The following KCNC4 variants were observed in gnomAD, a reference collection of about 807,000 sequenced individuals.
The protein encoded by KCNC4 is potassium voltage-gated channel subfamily C member 4.
Under a neutral mutation model 42.8 loss-of-function variants are expected in KCNC4, and 23 were observed. The ratio of observed to expected loss-of-function variants is 0.54; its 90% CI spans 0.39 to 0.76. The LOEUF (loss-of-function observed/expected upper bound fraction) is 0.76, where lower values mean the gene tolerates loss of function less well. Among genes scored for constraint, KCNC4 ranks in the 30% least tolerant of loss-of-function variants. The pLI is 0.00. For missense variants in KCNC4, 751 were observed against 898.2 expected, an observed-to-expected ratio of 0.84 and a Z score of 2.10; for synonymous variants, 422 against 393.5, an observed-to-expected ratio of 1.07 and a Z score of -0.86.
chr1:110,253,722 T>C (rs1410071687), downstream of KCNC4, among the ~76,000 whole-genome samples: 1 of 152,212 alleles, frequency 6.6e-6, no homozygotes, highest in Non-Finnish European at 1.5e-5. Flanking sequence ...CTGTTCCTTC[T>C]TCCACAGAGC....
chr1:110,283,774 T>C (rs1053383802), downstream of KCNC4, among the ~76,000 whole-genome samples: 6 of 152,244 alleles, frequency 3.9e-5, no homozygotes, highest in Non-Finnish European at 8.8e-5. Context: ...TTAGCTGTTG[T>C]ACTTTCTTGA....
chr1:110,243,511 T>C (rs1262268763), exon 4 of KCNC4: 1 of 152,394 alleles, frequency 6.6e-6, no homozygotes, highest in Non-Finnish European at 1.5e-5. Context: ...CCAAGTCCTT[T>C]CCACACACAC....
At chr1:110,220,468 G>A (rs370831269) in intron 1 of KCNC4, 1 of 141,936 alleles carries the variant, frequency 7.0e-6, no homozygotes, top group Non-Finnish European at 1.5e-5. Context: ...GGGCCATGCC[G>A]CCCTCCCTCC....
chr1:110,244,654 G>A (rs1359498556), exon 4 of KCNC4: 5 of 152,306 alleles, frequency 3.3e-5, no homozygotes, highest in Non-Finnish European at 5.9e-5. Context: ...GACCAGCAGA[G>A]GCTATGAAGG....
chr1:110,220,235 G>C (rs1207161658), intron 1 of KCNC4: 1 of 152,250 alleles, frequency 6.6e-6, no homozygotes. Flanking sequence ...GGGTGGAGGT[G>C]AGGGGTAGCA....
chr1:110,274,614 A>T (rs921290629), intron 1 of KCNC4, among the ~76,000 whole-genome samples: 2 of 152,244 alleles, frequency 1.3e-5, no homozygotes, highest in Non-Finnish European at 2.9e-5. Flanking sequence ...CTCAAATTAT[A>T]CTACTGGGCT....
intron 1 of KCNC4, among the ~76,000 whole-genome samples, chr1:110,260,623 G>A (rs926193065): frequency 4.6e-5 from 7 of 152,152 alleles, no homozygotes; most frequent in Non-Finnish European, 7.3e-5. Context: ...AAAGCAATGA[G>A]AATCCAATCA....
At chr1:110,278,159 G>GAA (rs72416212) in intron 1 of KCNC4, among the ~76,000 whole-genome samples, 1 of 736 alleles carries the variant, frequency 1.4e-3, no homozygotes, top group Non-Finnish European at 3.0e-3. Flanking sequence ...GAAAGAAAAG[G>GAA]AAGGAAGGAA....
At chr1:110,225,823 T>G in intron 2 of KCNC4, 152 bp from the exon 3 acceptor site, 1 of 695,518 alleles carries the variant, frequency 1.4e-6, no homozygotes, top group East Asian at 2.7e-5. Context: ...TGCCCTCTGC[T>G]CCCCGGCTCT....
chr1:110,235,386 C>T (rs1658881460), downstream of KCNC4: 1 of 152,194 alleles, frequency 6.6e-6, no homozygotes, highest in Non-Finnish European at 1.5e-5. Flanking sequence ...AAAAGCTTGG[C>T]CAGGCGATAA....
At chr1:110,244,388 T>TTAAA (rs1659098203) in exon 4 of KCNC4, 2 of 152,192 alleles carry the variant, frequency 1.3e-5, no homozygotes, top group South Asian at 2.1e-4. Flanking sequence ...ATAATAATAA[T>TTAAA]AAATAACAAA....
chr1:110,211,356 G>C lies in KCNC4; in HGVS notation c.-144G>C. The C allele has an allele frequency of 8.0e-7, 1 of 1,251,822 alleles. No homozygotes were observed. Among genetic ancestry groups the C allele is most frequent in the Non-Finnish European group, 1.1e-6 (1 of 920,044 alleles). 77.5% of individuals were successfully genotyped at this position (1,251,822 alleles called of 1,614,324 possible). ...CTCCGCGTCCTAGGGGGATAGGCAG[G>C]GGCAAGCCCAAGCCGCAGAGGGGGC... On this transcript the variant is annotated 5_prime_UTR_variant, in exon 1 of 4. Coordinates refer to ENST00000438661, the MANE Select transcript of KCNC4 (RefSeq NM_001039574.3). The surrounding 1 kb of genome is among the most constrained non-coding windows in gnomAD (Gnocchi z 6.5).
downstream of KCNC4, among the ~76,000 whole-genome samples, chr1:110,250,301 C>T (rs1659227871): frequency 6.6e-6 from 1 of 152,182 alleles, no homozygotes; most frequent in African/African-American, 2.4e-5. Context: ...TCCAGGCTGC[C>T]ATCTGGTAGG....
chr1:110,253,354 T>G (rs1395700741), downstream of KCNC4, among the ~76,000 whole-genome samples: 1 of 152,272 alleles, frequency 6.6e-6, no homozygotes, highest in East Asian at 1.9e-4. Context: ...GTCTCATTGC[T>G]TACAGCCCTG....
chr1:110,220,335 G>A (rs1256521041), intron 1 of KCNC4: 1 of 152,310 alleles, frequency 6.6e-6, no homozygotes, highest in Non-Finnish European at 1.5e-5. Context: ...CCTAATCCAG[G>A]ATGTGGCTGG....
chr1:110,211,429 G>T lies in KCNC4; in HGVS notation c.-71G>T, dbSNP rs1384247011. The T allele has an allele frequency of 6.6e-7, 1 of 1,509,754 alleles. No homozygotes were observed. The highest frequency in any genetic ancestry group is 2.4e-5 in the East Asian group (1 of 41,274). 93.5% of individuals were successfully genotyped at this position (1,509,754 alleles called of 1,614,324 possible). ...TTCGTCTCCTCCCCCTCCCCCGTCTGACGCTGCCTCCTCGGGAAGGGTGTT... is the reference window on the plus strand; with the variant it reads ...TTCGTCTCCTCCCCCTCCCCCGTCTTACGCTGCCTCCTCGGGAAGGGTGTT... On this transcript the variant is annotated 5_prime_UTR_variant, in exon 1 of 4. Coordinates refer to ENST00000438661, the MANE Select transcript of KCNC4 (RefSeq NM_001039574.3). This position sits in a 1 kb window ranked among gnomAD's most constrained non-coding sequence, Gnocchi z 6.5.
At chr1:110,253,843 C>T (rs1446386635), downstream of KCNC4, among the ~76,000 whole-genome samples, 1 of 152,172 alleles carries the variant, frequency 6.6e-6, no homozygotes, top group Non-Finnish European at 1.5e-5. Context: ...CTGAATGAGT[C>T]TAGCCACCTG....
intron 1 of KCNC4, among the ~76,000 whole-genome samples, chr1:110,213,939 T>A (rs1311124462): frequency 3.3e-5 from 5 of 152,198 alleles, no homozygotes; most frequent in Non-Finnish European, 7.3e-5. Context: ...TTAGGGGAGC[T>A]AGGCCCTATT....
chr1:110,230,333 A>G (rs1410861057), intron 3 of KCNC4, among the ~76,000 whole-genome samples: 7 of 152,134 alleles, frequency 4.6e-5, no homozygotes, highest in Non-Finnish European at 1.0e-4. Flanking sequence ...AGGGATGGGG[A>G]AGCCTGTGGA....
Sources: allele counts gnomAD v4.1 joint callset (sites outside exome capture counted in the v4.1 genomes callset), GRCh38; gene constraint gnomAD v4.1.1; non-coding constraint Gnocchi (gnomAD v3.1); transcripts MANE v1.5; gene names NCBI Gene and HGNC (gene_info 2026-07-23, HGNC 2026-07-21).